Variants in TMC1 observed in about 807,000 individuals in gnomAD.
TMC1 encodes transmembrane channel-like protein 1.
Under a neutral mutation model 105.8 loss-of-function variants are expected in TMC1, and 84 were observed. The observed-to-expected ratio is 0.79, with a 90% CI of 0.67 to 0.95. The LOEUF (loss-of-function observed/expected upper bound fraction) is 0.95, where lower values mean the gene tolerates loss of function less well. TMC1 is among the 40% of genes least tolerant of loss of function. The pLI, the probability that TMC1 is intolerant of heterozygous loss-of-function variation, is 0.00. For synonymous variants in TMC1, 315 were observed against 311.5 expected (o/e 1.01, Z -0.12); for missense variants, 817 against 914.1 (o/e 0.89, Z 1.37).
At chr9:72,691,022 T>G (rs1344578012) in intron 6 of TMC1, among the ~76,000 whole-genome samples, 1 of 152,142 alleles carries the variant, frequency 6.6e-6, no homozygotes, top group Non-Finnish European at 1.5e-5. Flanking sequence ...TTTATGGTTT[T>G]GCTCTTCTAA....
intron 1 of TMC1, among the ~76,000 whole-genome samples, chr9:72,576,102 C>T (rs1339254418): frequency 6.6e-6 from 1 of 152,168 alleles, no homozygotes; most frequent in Admixed American, 6.5e-5. Flanking sequence ...AGATGGCATA[C>T]TCGTGGTGGA....
chr9:72,715,999 C>T (rs907506580), intron 8 of TMC1, among the ~76,000 whole-genome samples: 1 of 152,108 alleles, frequency 6.6e-6, no homozygotes, highest in East Asian at 1.9e-4. Context: ...GTTAGTTTTC[C>T]TTCTAACCAT....
At chr9:72,824,798 T>C (rs1346295965) in intron 20 of TMC1, among the ~76,000 whole-genome samples, 2 of 152,098 alleles carry the variant, frequency 1.3e-5, no homozygotes, top group East Asian at 3.9e-4. Flanking sequence ...CAGAGGAAAG[T>C]GCGCCAAACA....
intron 12 of TMC1, among the ~76,000 whole-genome samples, chr9:72,768,588 A>G (rs181690561): frequency 3.3e-5 from 5 of 152,286 alleles, no homozygotes; most frequent in Admixed American, 3.3e-4. Flanking sequence ...TGAACTAATC[A>G]TGACTCTGCC....
intron 18 of TMC1, among the ~76,000 whole-genome samples, chr9:72,808,520 CT>C (rs1377607809): frequency 3.3e-5 from 5 of 152,328 alleles, no homozygotes; most frequent in African/African-American, 9.6e-5. Context: ...TACTCATGGT[CT>C]ATCTCCCTCT....
intron 2 of TMC1, among the ~76,000 whole-genome samples, chr9:72,595,040 A>G: frequency 6.6e-6 from 1 of 151,788 alleles, no homozygotes; most frequent in East Asian, 1.9e-4. Context: ...TAATTTTTGT[A>G]TTTTTAGTAG....
At chr9:72,796,846 CA>C (rs1221808634) in intron 17 of TMC1, among the ~76,000 whole-genome samples, 1 of 152,064 alleles carries the variant, frequency 6.6e-6, no homozygotes, top group Non-Finnish European at 1.5e-5. Flanking sequence ...CACTCCTATT[CA>C]ACATAGTATT....
chr9:72,527,810 A>G (rs552625440), intron 1 of TMC1, among the ~76,000 whole-genome samples: 8 of 152,314 alleles, frequency 5.3e-5, no homozygotes, highest in African/African-American at 1.4e-4. Flanking sequence ...TTCTGCCTCT[A>G]TCGCCTAGGC....
intron 8 of TMC1, among the ~76,000 whole-genome samples, chr9:72,725,365 A>ATG (rs1439113070): frequency 1.2e-4 from 10 of 82,224 alleles, no homozygotes; most frequent in East Asian, 5.5e-4. Flanking sequence ...ATATATATAT[A>ATG]TATGTATATA....
intron 15 of TMC1, among the ~76,000 whole-genome samples, chr9:72,790,752 G>T (rs1356931893): frequency 2.0e-5 from 3 of 152,034 alleles, no homozygotes; most frequent in African/African-American, 7.2e-5. Context: ...ATTTAAATTT[G>T]CCTTGCATAA....
chr9:72,677,876 T>C (rs750227952), intron 5 of TMC1, among the ~76,000 whole-genome samples: 1 of 152,146 alleles, frequency 6.6e-6, no homozygotes. Context: ...TCCTGTAATA[T>C]GAATGGTGTT....
At chr9:72,567,300 A>C (rs543007077) in intron 1 of TMC1, among the ~76,000 whole-genome samples, 1 of 152,058 alleles carries the variant, frequency 6.6e-6, no homozygotes, top group African/African-American at 2.4e-5. Flanking sequence ...CTTCTCAAAT[A>C]TGTCTTCTTT....
intron 2 of TMC1, among the ~76,000 whole-genome samples, chr9:72,580,233 A>C (rs1293285625): frequency 6.6e-6 from 1 of 152,222 alleles, no homozygotes; most frequent in East Asian, 1.9e-4. Context: ...TTTAAGAAGC[A>C]TGGGGAACTA....
chr9:72,776,241 T>TTA (rs977303317), intron 13 of TMC1, among the ~76,000 whole-genome samples: 1 of 151,670 alleles, frequency 6.6e-6, no homozygotes, highest in Non-Finnish European at 1.5e-5. Context: ...ATAATATAGA[T>TTA]TATATATATA....
At chr9:72,835,915 G>GTTTTTTTTTTTTTTTTTTTTTTCTTT in intron 23 of TMC1, 36 bp from the exon 24 acceptor site, 2 of 1,314,682 alleles carry the variant, frequency 1.5e-6, no homozygotes, top group East Asian at 2.6e-5. Context: ...CTCTCTCCTT[G>GTTTTTTTTTTTTTTTTTTTTTTCTTT]TTTTTTTTTT....
chr9:72,543,168 C>T (rs1823706829), intron 1 of TMC1, among the ~76,000 whole-genome samples: 2 of 152,152 alleles, frequency 1.3e-5, no homozygotes, highest in Non-Finnish European at 2.9e-5. Flanking sequence ...GTTTCTCTCC[C>T]ATCTCAACTA....
At chr9:72,688,829 TG>T (rs1327822300) in intron 6 of TMC1, 73 bp downstream of exon 6, 2 of 1,286,512 alleles carry the variant, frequency 1.6e-6, no homozygotes, top group African/African-American at 3.0e-5. Flanking sequence ...TATCCTCTTG[TG>T]GACTTGAGCT....
intron 13 of TMC1, among the ~76,000 whole-genome samples, chr9:72,775,061 G>C (rs1827985663): frequency 6.6e-6 from 1 of 152,118 alleles, no homozygotes; most frequent in African/African-American, 2.4e-5. Context: ...AAAATAAAAA[G>C]ATAGAAATCC....
At chr9:72,645,013 A>C (rs982200103) in intron 4 of TMC1, among the ~76,000 whole-genome samples, 2 of 152,180 alleles carry the variant, frequency 1.3e-5, no homozygotes, top group Non-Finnish European at 2.9e-5. Context: ...TGCTTTATGA[A>C]AAATTTATGG....
Sources: allele counts gnomAD v4.1 joint callset (sites outside exome capture counted in the v4.1 genomes callset), GRCh38; gene constraint gnomAD v4.1.1; transcripts MANE v1.5; gene names NCBI Gene and HGNC (gene_info 2026-07-23, HGNC 2026-07-21).